GTF2IRD1: variants seen among roughly 807,000 people sequenced by gnomAD.
GTF2IRD1 encodes the protein GTF2I repeat domain containing 1.
In GTF2IRD1, 26 loss-of-function variants were observed where a neutral mutation model predicts 113.2. The observed-to-expected ratio is 0.23, with a 90% CI of 0.17 to 0.32. The LOEUF (loss-of-function observed/expected upper bound fraction) is 0.32, where lower values mean the gene tolerates loss of function less well. GTF2IRD1 is among the 10% of genes least tolerant of loss of function. The pLI, the probability that GTF2IRD1 is intolerant of heterozygous loss-of-function variation, is 1.00. For missense variants in GTF2IRD1, 864 were observed against 1,280.8 expected, an observed-to-expected ratio of 0.67 and a Z score of 4.97; for synonymous variants, 484 against 529.1, an observed-to-expected ratio of 0.91 and a Z score of 1.17.
chr7:74,564,316 C>T (rs1357742595), intron 22 of GTF2IRD1, among the ~76,000 whole-genome samples: 4 of 152,178 alleles, frequency 2.6e-5, no homozygotes, highest in East Asian at 1.9e-4. Flanking sequence ...CGTGAGCCAC[C>T]GCACCTGGCT....
At chr7:74,582,181 A>G (rs1310835648) in intron 22 of GTF2IRD1, among the ~76,000 whole-genome samples, 5 of 152,188 alleles carry the variant, frequency 3.3e-5, no homozygotes, top group Non-Finnish European at 7.3e-5. Flanking sequence ...AGAGCCCAAC[A>G]GGAATATCTG....
chr7:74,519,354 T>A, intron 5 of GTF2IRD1, 55 bp from the exon 6 acceptor site: 1 of 1,277,128 alleles, frequency 7.8e-7, no homozygotes, highest in African/African-American at 1.5e-5. Flanking sequence ...GGGGAAGAGC[T>A]GCAATGTGTG....
At chr7:74,567,706 G>A (rs1181455354) in intron 22 of GTF2IRD1, among the ~76,000 whole-genome samples, 1 of 152,092 alleles carries the variant, frequency 6.6e-6, no homozygotes, top group African/African-American at 2.4e-5. Flanking sequence ...GGGGGGGTCA[G>A]GTCTAAAAGG....
chr7:74,569,413 C>T (rs1800549530), intron 22 of GTF2IRD1, among the ~76,000 whole-genome samples: 1 of 152,200 alleles, frequency 6.6e-6, no homozygotes, highest in African/African-American at 2.4e-5. Context: ...CAAAGCCACT[C>T]CCTGGTCTAT....
At chr7:74,551,321 C>T (rs1799293402) in intron 17 of GTF2IRD1, among the ~76,000 whole-genome samples, 1 of 151,536 alleles carries the variant, frequency 6.6e-6, no homozygotes, top group Non-Finnish European at 1.5e-5. Flanking sequence ...CCAGCCTGGG[C>T]GACAGAGCGA....
At chr7:74,578,007 T>G (rs2130918001) in intron 22 of GTF2IRD1, among the ~76,000 whole-genome samples, 1 of 152,090 alleles carries the variant, frequency 6.6e-6, no homozygotes, top group Middle Eastern at 3.4e-3. Context: ...TCTCTCTATG[T>G]TACCCAAGGC....
At chr7:74,484,249 G>A (rs1794895733) in intron 1 of GTF2IRD1, among the ~76,000 whole-genome samples, 1 of 152,046 alleles carries the variant, frequency 6.6e-6, no homozygotes, top group Non-Finnish European at 1.5e-5. Flanking sequence ...TTGGAGAGAT[G>A]GTATATGCAT....
intron 14 of GTF2IRD1, among the ~76,000 whole-genome samples, chr7:74,543,872 C>CAAAAAAAAAA (rs782039486): frequency 8.7e-5 from 3 of 34,588 alleles, no homozygotes; most frequent in Non-Finnish European, 1.2e-4. Flanking sequence ...CCCATCTCTA[C>CAAAAAAAAAA]AAAAAAAAAA....
chr7:74,472,523 G>A (rs1458994833), intron 1 of GTF2IRD1, among the ~76,000 whole-genome samples: 1 of 152,182 alleles, frequency 6.6e-6, no homozygotes, highest in Non-Finnish European at 1.5e-5. Flanking sequence ...GAGGCAGGAG[G>A]ATCACTTGAG....
Position 74,555,566 on chromosome 7 carries a change from C to T in GTF2IRD1, c.2023+72C>T. On this transcript the variant is annotated intron_variant, in intron 19 of 26. Coordinates refer to ENST00000424337, the MANE Select transcript of GTF2IRD1 (RefSeq NM_005685.4). This position sits in a 1 kb window ranked among gnomAD's most constrained non-coding sequence, Gnocchi z 5.3. ...TTGACCTGGTTTGGGTTTGGAGGGC[C>T]AGGCTGGAAGTGGGGAGGAGCTGGC... The T allele has an allele frequency of 9.8e-7, 1 of 1,023,412 alleles. No homozygotes were observed. Among genetic ancestry groups the T allele is most frequent in the Non-Finnish European group, 1.5e-6 (1 of 654,462 alleles). The allele number at this position is 1,023,412 out of a possible 1,614,324, so 63.4% of individuals were successfully genotyped here.
intron 25 of GTF2IRD1, among the ~76,000 whole-genome samples, chr7:74,597,865 A>G (rs1554372845): frequency 6.6e-6 from 1 of 152,138 alleles, no homozygotes; most frequent in Non-Finnish European, 1.5e-5. Flanking sequence ...TGGCTGCTCA[A>G]CAGGGACAGT....
At chr7:74,544,026 G>C (rs1190340925) in intron 14 of GTF2IRD1, among the ~76,000 whole-genome samples, 2 of 152,084 alleles carry the variant, frequency 1.3e-5, no homozygotes, top group Non-Finnish European at 2.9e-5. Flanking sequence ...TCCATCCTGG[G>C]CAACAGAGCA....
chr7:74,566,006 AACAC>A (rs66556824), intron 22 of GTF2IRD1, among the ~76,000 whole-genome samples: 3,547 of 143,162 alleles, frequency 0.025, 45 homozygotes, highest in Non-Finnish European at 0.036. Context: ...AAGACACACA[AACAC>A]ACACACACAC....
rs1209619272 is a variant in GTF2IRD1, at chr7:74,600,907, C to A, written c.2630-137C>A. On this transcript the variant is annotated intron_variant, in intron 25 of 26. Coordinates refer to ENST00000424337, the MANE Select transcript of GTF2IRD1 (RefSeq NM_005685.4). The stretch of plus-strand genomic sequence containing the variant: ...GGGCTCTGGACAGGTGGGCCCTGAC[C>A]CCCAGGGGATCAGGAGCCTGAAATC... 4 of 905,738 alleles carry A rather than the reference C, an allele frequency of 4.4e-6. No homozygotes were observed. In the East Asian group the frequency reaches 7.4e-5, roughly 17 times the overall value. 56.1% of individuals were successfully genotyped at this position (905,738 alleles called of 1,614,324 possible).
At chr7:74,539,429 C>T (rs1446377472) in intron 13 of GTF2IRD1, among the ~76,000 whole-genome samples, 7 of 152,018 alleles carry the variant, frequency 4.6e-5, no homozygotes, top group Non-Finnish European at 8.8e-5. Flanking sequence ...GCCTGGGCAA[C>T]AGAGCGAGAC....
At chr7:74,567,447 T>C (rs1800392117) in intron 22 of GTF2IRD1, among the ~76,000 whole-genome samples, 1 of 152,138 alleles carries the variant, frequency 6.6e-6, no homozygotes, top group Non-Finnish European at 1.5e-5. Flanking sequence ...TCAGTCCTAA[T>C]GCCTGAGAGT....
chr7:74,482,643 C>G (rs1484356105), intron 1 of GTF2IRD1, among the ~76,000 whole-genome samples: 1 of 152,152 alleles, frequency 6.6e-6, no homozygotes, highest in East Asian at 1.9e-4. Context: ...ACAGCATTGA[C>G]AAGCCCCTCT....
At chr7:74,559,166 C>T in intron 21 of GTF2IRD1, 122 bp downstream of exon 21, 1 of 897,326 alleles carries the variant, frequency 1.1e-6, no homozygotes, top group Non-Finnish European at 1.7e-6. Flanking sequence ...GCTCTCCTGG[C>T]ACCATCCTGG....
At chr7:74,470,574 A>G (rs1228116699) in intron 1 of GTF2IRD1, among the ~76,000 whole-genome samples, 1 of 152,218 alleles carries the variant, frequency 6.6e-6, no homozygotes, top group African/African-American at 2.4e-5. Flanking sequence ...AAAAACCTAA[A>G]GAGGAATATG....
Sources: gnomAD v4.1 joint callset for allele counts (sites outside exome capture counted in the v4.1 genomes callset) on GRCh38, gnomAD v4.1.1 for gene constraint, Gnocchi (gnomAD v3.1) non-coding constraint, MANE v1.5 for transcripts, NCBI Gene and HGNC (gene_info 2026-07-23, HGNC 2026-07-21) for gene names.